PKIB: variants seen among roughly 807,000 people sequenced by gnomAD.
The protein encoded by PKIB is cAMP-dependent protein kinase inhibitor beta, also known as PKI-beta.
A neutral mutation model predicts 4.5 loss-of-function variants in PKIB; 2 were observed. The observed-to-expected ratio is 0.44, with a 90% CI of 0.18 to 1.39. PKIB has a LOEUF of 1.39. Ranked by LOEUF, PKIB falls within the 40% of genes most tolerant of loss-of-function variation. The pLI is 0.27. For synonymous variants in PKIB, 38 were observed against 36.0 expected (o/e 1.06, Z -0.20); for missense variants, 94 against 92.6 (o/e 1.02, Z -0.06).
intron 2 of PKIB, among the ~76,000 whole-genome samples, chr6:122,521,190 G>T (rs1245485836): frequency 2.0e-5 from 3 of 152,164 alleles, no homozygotes; most frequent in African/African-American, 7.2e-5. Flanking sequence ...AAACTTAGTG[G>T]ATCGGACTGG....
chr6:122,639,672 A>G (rs534738486), intron 2 of PKIB, among the ~76,000 whole-genome samples: 28 of 152,318 alleles, frequency 1.8e-4, no homozygotes, highest in African/African-American at 6.3e-4. Context: ...ACTTTCTTCA[A>G]TTACGTGAGA....
At chr6:122,660,279 T>TA (rs1413459997) in intron 2 of PKIB, among the ~76,000 whole-genome samples, 1 of 152,188 alleles carries the variant, frequency 6.6e-6, no homozygotes, top group Non-Finnish European at 1.5e-5. Flanking sequence ...GACAAGATGA[T>TA]ATGTTGGAAG....
In PKIB at chr6:122,566,694, C is replaced by G. The variant is rs544328005; in HGVS notation, c.-247-19227C>G. On this transcript the variant is annotated intron_variant, in intron 2 of 6. Transcript: ENST00000392491. Reference sequence around the variant, plus strand: ...CCTTCTCTTTATCCCCCTGCACAAACATCTTCTCATATAGCAATATAATAT... The same window carrying G: ...CCTTCTCTTTATCCCCCTGCACAAAGATCTTCTCATATAGCAATATAATAT... Among the ~76,000 whole-genome samples, 3 of 151,868 alleles carry G rather than the reference C, an allele frequency of 2.0e-5. No homozygotes were observed. The East Asian group carries it at 5.8e-4, about 29-fold the overall frequency.
At chr6:122,677,849 TCC>T (rs1777738074) in intron 3 of PKIB, among the ~76,000 whole-genome samples, 1 of 29,820 alleles carries the variant, frequency 3.4e-5, no homozygotes, top group Non-Finnish European at 1.0e-4. Context: ...TTTTCTTCCT[TCC>T]TTCCTTCCTT....
chr6:122,553,486 T>TTTTTTTTTTTTTTTTTC (rs1772748366), intron 2 of PKIB, among the ~76,000 whole-genome samples: 2 of 102,064 alleles, frequency 2.0e-5, no homozygotes, highest in Admixed American at 2.0e-4. Context: ...ATCTTCTTTT[T>TTTTTTTTTTTTTTTTTC]TTTTTTTTTT....
At chr6:122,635,642 G>T (rs922319213) in intron 2 of PKIB, among the ~76,000 whole-genome samples, 1 of 150,028 alleles carries the variant, frequency 6.7e-6, no homozygotes, top group African/African-American at 2.4e-5. Flanking sequence ...CAATAAAATA[G>T]AATACAACAC....
intron 2 of PKIB, among the ~76,000 whole-genome samples, chr6:122,504,139 A>G (rs1027286872): frequency 1.3e-5 from 2 of 152,194 alleles, no homozygotes; most frequent in African/African-American, 4.8e-5. Flanking sequence ...CTTTGCGGTA[A>G]TGATAAATAT....
At chr6:122,663,778 A>T (rs1192494024) in intron 2 of PKIB, among the ~76,000 whole-genome samples, 7 of 152,122 alleles carry the variant, frequency 4.6e-5, no homozygotes, top group Non-Finnish European at 8.8e-5. Flanking sequence ...CCAAGACCTT[A>T]TTTCCAAATA....
chr6:122,654,277 G>A (rs1234579354), intron 2 of PKIB, among the ~76,000 whole-genome samples: 13 of 152,180 alleles, frequency 8.5e-5, no homozygotes. Context: ...AGATAATTCA[G>A]AGCATTCTGT....
At chr6:122,616,787 AC>A (rs1775010293) in intron 1 of PKIB, among the ~76,000 whole-genome samples, 1 of 151,950 alleles carries the variant, frequency 6.6e-6, no homozygotes, top group African/African-American at 2.4e-5. Context: ...AATCTGCCAG[AC>A]CCCTAGGGTT....
At chr6:122,649,733 G>A (rs924497391) in intron 2 of PKIB, among the ~76,000 whole-genome samples, 4 of 152,174 alleles carry the variant, frequency 2.6e-5, no homozygotes, top group African/African-American at 9.6e-5. Context: ...ATGGTGAGGT[G>A]TTCAGTTTCT....
chr6:122,610,076 G>A (rs1029188799), upstream of PKIB, among the ~76,000 whole-genome samples: 4 of 152,198 alleles, frequency 2.6e-5, 1 homozygote, highest in Admixed American at 2.6e-4. Context: ...TGAAATTCCC[G>A]CAGTCACGTC....
intron 2 of PKIB, among the ~76,000 whole-genome samples, chr6:122,637,186 G>A (rs1323962781): frequency 1.3e-5 from 2 of 152,160 alleles, no homozygotes; most frequent in Admixed American, 6.5e-5. Flanking sequence ...AGACTTGATT[G>A]TAGATATATT....
At chr6:122,700,058 C>T (rs1778736577) in intron 3 of PKIB, among the ~76,000 whole-genome samples, 1 of 152,044 alleles carries the variant, frequency 6.6e-6, no homozygotes, top group Non-Finnish European at 1.5e-5. Context: ...AGAACCTATA[C>T]TGTAGAGGCA....
chr6:122,609,571 T>C (rs546392407), upstream of PKIB, among the ~76,000 whole-genome samples: 4 of 152,310 alleles, frequency 2.6e-5, no homozygotes, highest in South Asian at 8.3e-4. Context: ...ATAGTATGAA[T>C]GAGCAAATTA....
chr6:122,586,849 A>T (rs959545547), intron 3 of PKIB, among the ~76,000 whole-genome samples: 2 of 152,134 alleles, frequency 1.3e-5, no homozygotes, highest in African/African-American at 4.8e-5. Context: ...ATTTCCAGGA[A>T]ATTACAGCTT....
intron 1 of PKIB, among the ~76,000 whole-genome samples, chr6:122,616,612 C>A (rs1775000557): frequency 6.6e-6 from 1 of 152,040 alleles, no homozygotes; most frequent in Admixed American, 6.6e-5. Flanking sequence ...GAGCTGCTTT[C>A]CAATAAAGGG....
intron 2 of PKIB, among the ~76,000 whole-genome samples, chr6:122,516,707 A>G (rs1776765872): frequency 6.6e-6 from 1 of 152,168 alleles, no homozygotes; most frequent in African/African-American, 2.4e-5. Flanking sequence ...AGCATTAAGT[A>G]GGACAGATGA....
At chr6:122,523,105 A>G (rs960129653) in intron 2 of PKIB, among the ~76,000 whole-genome samples, 3 of 152,168 alleles carry the variant, frequency 2.0e-5, no homozygotes, top group African/African-American at 4.8e-5. Context: ...ATTAAGTATA[A>G]TGTTAGCTGT....
Sources: allele counts gnomAD v4.1 joint callset (sites outside exome capture counted in the v4.1 genomes callset), GRCh38; gene constraint gnomAD v4.1.1; transcripts MANE v1.5; gene names NCBI Gene and HGNC (gene_info 2026-07-23, HGNC 2026-07-21).